CRELD2: variants seen among roughly 807,000 people sequenced by gnomAD.
CRELD2 encodes the protein CRELD disulfide isomerase 2.
Under a neutral mutation model 48.1 loss-of-function variants are expected in CRELD2, and 33 were observed. The observed-to-expected ratio is 0.69, with a 90% confidence interval of 0.52 to 0.92. The LOEUF is 0.92. Ranked by LOEUF, CRELD2 falls within the 40% of genes least tolerant of loss-of-function variation. The pLI, the probability that CRELD2 is intolerant of heterozygous loss-of-function variation, is 0.00. For synonymous variants in CRELD2, 220 were observed against 203.9 expected (o/e 1.08, Z -0.67); for missense variants, 477 against 482.4 (o/e 0.99, Z 0.10).
rs1229338951 is a variant in CRELD2, at chr22:49,919,301, G to A, written c.201G>A (p.Lys67=). 3.7e-6 allele frequency: 6 copies of A among 1,613,496 alleles called. No homozygotes were observed. The highest frequency in any genetic ancestry group is 1.3e-5 in the African/African-American group (1 of 74,956). The stretch of plus-strand genomic sequence containing the variant: ...CTTGGGAGGAAAAGACGCTGTCCAA[G>A]TACGAGTCCAGGTGGGTGCCCTGGA... ...NTAWEEKTLS[K]YESSEIRLLE... The change falls in exon 2 of 10, where the codon AAG becomes AAA. Residue 67 remains lysine (K), a synonymous_variant. Transcript: ENST00000328268.
chr22:49,919,863 G>C, intron 3 of CRELD2, 23 bp downstream of exon 3: 2 of 1,485,564 alleles, frequency 1.3e-6, no homozygotes, highest in Non-Finnish European at 1.9e-6. Flanking sequence ...AAACCTCTTA[G>C]AAGATACTTT....
chr22:49,924,732 T>C (rs905582051), intron 8 of CRELD2: 3 of 278,160 alleles, frequency 1.1e-5, no homozygotes, highest in Admixed American at 1.0e-4. Context: ...CCGCCTCTGC[T>C]CTCCCTCCAG....
chr22:49,922,163 T>G, intron 5 of CRELD2: 3 of 1,019,046 alleles, frequency 2.9e-6, no homozygotes, highest in Non-Finnish European at 4.2e-6. Context: ...TGGTTGTCAC[T>G]GATATGTAGG....
At chr22:49,922,115 C>A in intron 5 of CRELD2, 1 of 705,246 alleles carries the variant, frequency 1.4e-6, no homozygotes, top group Non-Finnish European at 2.3e-6. Context: ...CCCTGCAGGC[C>A]GTTATGAGTG....
intron 6 of CRELD2, 152 bp downstream of exon 6, chr22:49,922,859 G>T: frequency 8.9e-6 from 1 of 112,108 alleles, no homozygotes; most frequent in Non-Finnish European, 1.6e-5. Flanking sequence ...GAGGTGTGGG[G>T]CTTGGGGTGT....
rs759225713 is a variant in CRELD2 at position 49,924,372 on chromosome 22, G to A, written c.785G>A (p.Ser262Asn). The part of the protein sequence containing the change: ...GSYTCEECDS[S>N]CVGCTGEGPG... ...CTCCCTGTTGCAGAGTGTGACTCCA[G>A]CTGTGTGGGCTGCACAGGGGAAGGC... The change falls in exon 8 of 10, where the codon AGC becomes AAC. Residue 262 changes from serine to asparagine, a missense_variant. By Grantham distance (46) the Ser-to-Asn change is conservative. Coordinates refer to ENST00000328268, the MANE Select transcript of CRELD2 (RefSeq NM_024324.5). 5 of 1,611,814 alleles carry A rather than the reference G, an allele frequency of 3.1e-6. No homozygotes were observed. The highest frequency in any genetic ancestry group is 4.2e-6 in the Non-Finnish European group (5 of 1,179,158).
intron 1 of CRELD2, 119 bp from the exon 2 acceptor site, chr22:49,919,111 G>A (rs895733827): frequency 1.9e-5 from 21 of 1,102,050 alleles, no homozygotes; most frequent in Middle Eastern, 5.1e-4. Context: ...CACCCCCACC[G>A]TGGAACCAGG....
At chr22:49,925,609 G>A in intron 9 of CRELD2, 52 bp downstream of exon 9, 2 of 1,606,692 alleles carry the variant, frequency 1.2e-6, no homozygotes, top group Non-Finnish European at 1.7e-6. Context: ...GGGCCGCAGG[G>A]CTTGCACGTA....
chr22:49,921,003 G>A (rs544680404), intron 4 of CRELD2, among the ~76,000 whole-genome samples: 3 of 152,254 alleles, frequency 2.0e-5, no homozygotes, highest in Non-Finnish European at 4.4e-5. Flanking sequence ...ACGACCAGGC[G>A]TGTTCTGAGA....
rs12170220 is a variant in CRELD2 at position 49,921,889 on chromosome 22, A to G, written c.592+128A>G. 0.019 allele frequency: 17,791 copies of G among 924,140 alleles called. 1,713 individuals carry two copies. The African/African-American group carries it at 0.24, about 12-fold the overall frequency. The allele number at this position is 924,140 out of a possible 1,614,324, so 57.2% of individuals were successfully genotyped here. On this transcript the variant is annotated intron_variant, in intron 5 of 9. Coordinates refer to ENST00000328268, the MANE Select transcript of CRELD2 (RefSeq NM_024324.5). ...ACCCCAGATGTCCAAGGAAGCTTCG[A>G]GGGCCCAGAAGGATGAATGAAAACA...
At chr22:49,923,566 G>A (rs2060725129) in intron 7 of CRELD2, 9 of 605,488 alleles carry the variant, frequency 1.5e-5, no homozygotes, top group Middle Eastern at 6.8e-4. Flanking sequence ...TCCACTGCTC[G>A]TGCCCCCCCA....
At chr22:49,923,599 G>GT (rs1315580793) in intron 7 of CRELD2, 4 of 545,262 alleles carry the variant, frequency 7.3e-6, no homozygotes, top group African/African-American at 5.7e-5. Flanking sequence ...CGTGCCCTGC[G>GT]TGACTTTCCG....
At chr22:49,922,336 T>TTACCCCC in intron 5 of CRELD2, 1 of 1,611,348 alleles carries the variant, frequency 6.2e-7, no homozygotes, top group Non-Finnish European at 8.5e-7. Context: ...CCTTGCTGTC[T>TTACCCCC]GTCTCTTGGA....
chr22:49,927,129 T>A, intron 9 of CRELD2, 126 bp from the exon 10 acceptor site: 1 of 831,366 alleles, frequency 1.2e-6, no homozygotes, highest in Non-Finnish European at 2.1e-6. Context: ...CTTGGATGGC[T>A]GCGTCCGGGG....
Position 49,927,261 on chromosome 22 carries a change from CAGA to C in CRELD2, c.1019_1021del (p.Glu340del). 1 of 1,612,322 alleles carries C rather than the reference CAGA, an allele frequency of 6.2e-7. No individual in the cohort carries two copies. The highest frequency in any genetic ancestry group is 1.1e-5 in the South Asian group (1 of 91,068). ...TATGCTTGTTTTCTGACAGAAGCCA[CAGA>C]AGGAGAAAGCCCGACACAGCTGCCC... On this transcript the variant is annotated inframe_deletion, in exon 10 of 10. Transcript: ENST00000328268.
intron 8 of CRELD2, chr22:49,925,126 G>A (rs1230250512): frequency 7.9e-5 from 18 of 227,890 alleles, no homozygotes; most frequent in African/African-American, 3.9e-4. Context: ...GCGAGACTCC[G>A]CCTCAAAAAA....
In CRELD2 at chr22:49,918,807, C is replaced by T. The variant is rs2060641529; in HGVS notation, c.38C>T (p.Pro13Leu). 2.3e-6 allele frequency: 3 copies of T among 1,330,524 alleles called. No individual in the cohort carries two copies. The highest frequency in any genetic ancestry group is 2.9e-6 in the Non-Finnish European group (3 of 1,044,044). 82.4% of individuals were successfully genotyped at this position (1,330,524 alleles called of 1,614,324 possible). A position where few individuals can be genotyped will look rare whatever the true frequency, so the allele number is the denominator to read the frequency against. ...LPRRAALGLLPLLLLLPPAPE... is the reference protein window; with the variant it reads ...LPRRAALGLLLLLLLLPPAPE... ...CGCCGGGCCGCGCTGGGGCTCCTGC[C>T]GCTTCTGCTGCTGCTGCCGCCCGCG... Residue 13 changes from proline to leucine, a missense_variant, in exon 1 of 10, where the codon CCG becomes CTG. Pro to Leu is a moderately conservative substitution (Grantham distance 98). Coordinates refer to ENST00000328268, the MANE Select transcript of CRELD2 (RefSeq NM_024324.5).
chr22:49,919,186 C>T lies in CRELD2; in HGVS notation c.130-44C>T, dbSNP rs367809642. The T allele has an allele frequency of 3.6e-5, 58 of 1,590,942 alleles. No individual in the cohort carries two copies. The African/African-American group carries it at 7.1e-4, about 20-fold the overall frequency. The stretch of plus-strand genomic sequence containing the variant: ...CCTGGGCTCGCCCCCACCCTGGACC[C>T]GGGTCAGGTGGTACCAAGCACTATG... On this transcript the variant is annotated intron_variant, in intron 1 of 9. Transcript: ENST00000328268.
chr22:49,922,984 C>T (rs1028165476), intron 6 of CRELD2, among the ~76,000 whole-genome samples: 15 of 150,532 alleles, frequency 1.0e-4, no homozygotes, highest in African/African-American at 3.5e-4. Context: ...GTGTCGCCAT[C>T]CTCATGGGGC....
Sources: gnomAD v4.1 joint callset for allele counts (sites outside exome capture counted in the v4.1 genomes callset) on GRCh38, gnomAD v4.1.1 for gene constraint, MANE v1.5 for transcripts, NCBI Gene and HGNC (gene_info 2026-07-23, HGNC 2026-07-21) for gene names.